Variants in DPP6 observed in about 807,000 individuals in gnomAD.
DPP6 encodes A-type potassium channel modulatory protein DPP6.
In DPP6, 69 loss-of-function variants were observed where a neutral mutation model predicts 122.6. That is an observed-to-expected ratio of 0.56 (90% CI 0.46 to 0.69). The LOEUF is 0.69. DPP6 is among the 30% of genes least tolerant of loss of function. The probability of loss-of-function intolerance (pLI) is 0.00; values close to 1 mark genes in which losing one functional copy is unlikely to be tolerated. For synonymous variants in DPP6, 418 were observed against 433.1 expected (o/e 0.97, Z 0.43); for missense variants, 928 against 1,116.9 (o/e 0.83, Z 2.41).
the DPP6 span, among the ~76,000 whole-genome samples, chr7:153,771,474 G>C: frequency 4.2e-3 from 632 of 152,238 alleles, 7 homozygotes; most frequent in African/African-American, 0.014. Context: ...CAAGTAGCTG[G>C]TATTACAGGC....
chr7:154,091,041 A>C (rs2150549300), intron 1 of DPP6, among the ~76,000 whole-genome samples: 1 of 151,866 alleles, frequency 6.6e-6, no homozygotes, highest in South Asian at 2.1e-4. Flanking sequence ...GAATGGTGTG[A>C]ACCCAGGAGG....
intron 1 of DPP6, among the ~76,000 whole-genome samples, chr7:154,399,900 T>G (rs368267998): frequency 2.6e-5 from 4 of 152,206 alleles, no homozygotes; most frequent in East Asian, 1.9e-4. Context: ...TAGATACAAT[T>G]TACTGAAATA....
chr7:154,608,972 T>C (rs2130798302), intron 5 of DPP6, among the ~76,000 whole-genome samples: 2 of 152,190 alleles, frequency 1.3e-5, no homozygotes, highest in Middle Eastern at 6.8e-3. Context: ...TTATTAAGGG[T>C]CAACAGTTTT....
intron 5 of DPP6, among the ~76,000 whole-genome samples, chr7:154,615,046 G>A (rs1213941996): frequency 1.3e-5 from 2 of 152,172 alleles, no homozygotes; most frequent in Non-Finnish European, 2.9e-5. Flanking sequence ...GAGACGGTCA[G>A]AACTTAGTGT....
At chr7:154,220,631 C>T (rs377151461) in intron 1 of DPP6, among the ~76,000 whole-genome samples, 14 of 152,302 alleles carry the variant, frequency 9.2e-5, no homozygotes, top group Admixed American at 5.2e-4. Flanking sequence ...TCACCAGATG[C>T]CACATCTCGT....
chr7:154,842,659 C>CTT (rs1283949971), intron 16 of DPP6, among the ~76,000 whole-genome samples: 1 of 152,158 alleles, frequency 6.6e-6, no homozygotes, highest in Non-Finnish European at 1.5e-5. Context: ...TGTGAATTCA[C>CTT]TTGCTTCCAT....
chr7:154,648,581 G>A (rs1046820724), intron 6 of DPP6, among the ~76,000 whole-genome samples: 17 of 152,142 alleles, frequency 1.1e-4, no homozygotes, highest in African/African-American at 3.4e-4. Context: ...CCAACTGTAC[G>A]TATGTGATTT....
At chr7:154,298,504 A>G (rs1313583411) in intron 1 of DPP6, among the ~76,000 whole-genome samples, 1 of 152,090 alleles carries the variant, frequency 6.6e-6, no homozygotes, top group Non-Finnish European at 1.5e-5. Flanking sequence ...TTTTCTTACT[A>G]ATAAAGAATT....
At chr7:154,329,219 A>G (rs1015158634) in intron 1 of DPP6, among the ~76,000 whole-genome samples, 9 of 152,236 alleles carry the variant, frequency 5.9e-5, no homozygotes, top group African/African-American at 1.9e-4. Flanking sequence ...TTTACTGTGC[A>G]CCACATACAG....
chr7:153,984,053 A>AACAC (rs528640069), intron 1 of DPP6, among the ~76,000 whole-genome samples: 1,575 of 131,984 alleles, frequency 0.012, 14 homozygotes, highest in Admixed American at 0.031. Context: ...TTCTGTCCAT[A>AACAC]ACACACACAC....
chr7:154,749,074 A>G (rs369192813), intron 8 of DPP6, among the ~76,000 whole-genome samples: 181 of 95,134 alleles, frequency 1.9e-3, no homozygotes, highest in African/African-American at 2.3e-3. Flanking sequence ...TAGGATGGGA[A>G]AGAGAGGGAT....
chr7:154,094,130 C>A (rs1805136046), intron 1 of DPP6: 1 of 152,132 alleles, frequency 6.6e-6, no homozygotes, highest in African/African-American at 2.4e-5. Flanking sequence ...CAGACGGTAT[C>A]CCCGGGAGAA....
At chr7:154,862,080 G>T (rs537635691) in intron 17 of DPP6, among the ~76,000 whole-genome samples, 39 of 152,284 alleles carry the variant, frequency 2.6e-4, no homozygotes, top group Non-Finnish European at 4.4e-4. Context: ...TGTTACTGGG[G>T]GCTCTTACCC....
Position 154,119,362 on chromosome 7 carries a change from A to G in DPP6, c.243+66299A>G, listed in dbSNP as rs559341596. Reference sequence around the variant, plus strand: ...TTATTCACTCAAACTAGTAAAGAACAAGTGGCCGGGTTCCCATCCAAAGCA... The same window carrying G: ...TTATTCACTCAAACTAGTAAAGAACGAGTGGCCGGGTTCCCATCCAAAGCA... On this transcript the variant is annotated intron_variant, in intron 1 of 25. Transcript: ENST00000377770. Among the ~76,000 whole-genome samples the G allele has an allele frequency of 3.3e-5, 5 of 152,318 alleles. No individual in the cohort carries two copies. In the East Asian group the frequency reaches 9.7e-4, roughly 29 times the overall value.
At chr7:154,459,865 A>G (rs529662528) in intron 2 of DPP6, among the ~76,000 whole-genome samples, 52 of 151,300 alleles carry the variant, frequency 3.4e-4, no homozygotes, top group Non-Finnish European at 6.9e-4. Flanking sequence ...AATGAACAAT[A>G]ATAATCCTTT....
At chr7:153,972,169 T>G (rs1428211145) in intron 1 of DPP6, among the ~76,000 whole-genome samples, 1 of 151,218 alleles carries the variant, frequency 6.6e-6, no homozygotes, top group East Asian at 2.0e-4. Context: ...GAAGGAAGCG[T>G]GCATGAGAGA....
intron 1 of DPP6, among the ~76,000 whole-genome samples, chr7:153,917,072 T>A (rs1254485419): frequency 6.6e-6 from 1 of 152,162 alleles, no homozygotes; most frequent in African/African-American, 2.4e-5. Flanking sequence ...ATTCAGTGGG[T>A]CTGGGGTGGG....
At chr7:153,867,116 T>C in the DPP6 span, among the ~76,000 whole-genome samples, 8 of 152,222 alleles carry the variant, frequency 5.3e-5, no homozygotes, top group African/African-American at 1.7e-4. Context: ...TGGCTTACGA[T>C]TGACTTGGCA....
chr7:154,663,008 CGCAG>C (rs2131061880), intron 6 of DPP6, among the ~76,000 whole-genome samples: 5 of 42,896 alleles, frequency 1.2e-4, no homozygotes, highest in Non-Finnish European at 1.1e-4. Context: ...CTAGTGTTCA[CGCAG>C]TCATGGTGAA....
Sources: allele counts gnomAD v4.1 joint callset (sites outside exome capture counted in the v4.1 genomes callset), GRCh38; gene constraint gnomAD v4.1.1; transcripts MANE v1.5; gene names NCBI Gene and HGNC (gene_info 2026-07-23, HGNC 2026-07-21).